Variants in NRG4 observed in about 807,000 individuals in gnomAD.
NRG4 encodes the protein neuregulin 4, also known as pro-neuregulin-4, membrane-bound isoform.
Under a neutral mutation model 15.0 loss-of-function variants are expected in NRG4, and 10 were observed. The observed-to-expected ratio is 0.67, with a 90% CI of 0.41 to 1.13. The LOEUF is 1.13. NRG4 is among the 50% of genes most tolerant of loss of function. The pLI is 0.00. For missense variants in NRG4, 139 were observed against 140.2 expected (o/e 0.99, Z 0.04); for synonymous variants, 41 against 50.1 (o/e 0.82, Z 0.77).
chr15:75,993,575 C>A (rs1363641025), intron 3 of NRG4, among the ~76,000 whole-genome samples: 1 of 151,710 alleles, frequency 6.6e-6, no homozygotes, highest in Non-Finnish European at 1.5e-5. Flanking sequence ...TGCCTATAGT[C>A]CCAGCTACAG....
intron 3 of NRG4, among the ~76,000 whole-genome samples, chr15:75,978,997 A>G (rs957743591): frequency 6.6e-6 from 1 of 151,866 alleles, no homozygotes; most frequent in East Asian, 1.9e-4. Context: ...GAATTGTTGG[A>G]GTTCCTTATA....
chr15:75,956,287 G>C (rs1382284607), intron 4 of NRG4, among the ~76,000 whole-genome samples: 1 of 152,038 alleles, frequency 6.6e-6, no homozygotes, highest in African/African-American at 2.4e-5. Context: ...ATGCCACCTG[G>C]TCTTTTTCCT....
At chr15:75,949,392 C>CAAAAAAA (rs59154521) in intron 5 of NRG4, among the ~76,000 whole-genome samples, 1 of 144,346 alleles carries the variant, frequency 6.9e-6, no homozygotes, top group African/African-American at 2.6e-5. Context: ...GCCTGGGTGA[C>CAAAAAAA]AAAAAAAAAA....
chr15:76,024,971 A>C (rs1286885972), intron 5 of NRG4, among the ~76,000 whole-genome samples: 1 of 152,188 alleles, frequency 6.6e-6, no homozygotes, highest in Non-Finnish European at 1.5e-5. Context: ...AAACAAACAA[A>C]AAACAACAAA....
chr15:75,985,059 G>A (rs1057373740), intron 3 of NRG4, among the ~76,000 whole-genome samples: 6 of 152,064 alleles, frequency 3.9e-5, no homozygotes, highest in African/African-American at 1.4e-4. Flanking sequence ...TAGCCAGGCT[G>A]GTCTCGAACT....
At chr15:75,956,914 C>A (rs964663209) in intron 4 of NRG4, among the ~76,000 whole-genome samples, 1 of 152,082 alleles carries the variant, frequency 6.6e-6, no homozygotes, top group African/African-American at 2.4e-5. Flanking sequence ...TGTTTTTTAG[C>A]TTTCTTTTTT....
At chr15:75,939,410 A>T (rs2030708971), downstream of NRG4, 1 of 152,194 alleles carries the variant, frequency 6.6e-6, no homozygotes, top group Non-Finnish European at 1.5e-5. Flanking sequence ...CCAGTAAGGT[A>T]ATTGAATTAG....
chr15:76,052,595 A>G (rs183852755), intron 3 of NRG4, among the ~76,000 whole-genome samples: 91 of 151,316 alleles, frequency 6.0e-4, no homozygotes, highest in Non-Finnish European at 3.4e-4. Flanking sequence ...GTATTATCAC[A>G]GACAGAAGCC....
intron 5 of NRG4, among the ~76,000 whole-genome samples, chr15:75,954,146 T>TA (rs915470195): frequency 6.6e-6 from 1 of 152,120 alleles, no homozygotes. Flanking sequence ...CTCTTTTCAT[T>TA]AAAAAAATTT....
chr15:75,970,102 A>G (rs2033021690), intron 3 of NRG4, among the ~76,000 whole-genome samples: 2 of 152,238 alleles, frequency 1.3e-5, no homozygotes, highest in Admixed American at 1.3e-4. Flanking sequence ...GCCACGAGCC[A>G]GTCTATCTTA....
intron 3 of NRG4, among the ~76,000 whole-genome samples, chr15:75,968,340 C>A (rs1438477211): frequency 6.6e-6 from 1 of 152,050 alleles, no homozygotes; most frequent in South Asian, 2.1e-4. Flanking sequence ...GTAATCCCAG[C>A]ACTTTGGGAG....
intron 2 of NRG4, among the ~76,000 whole-genome samples, chr15:76,009,980 T>C (rs2034749474): frequency 6.6e-6 from 1 of 152,130 alleles, no homozygotes; most frequent in Non-Finnish European, 1.5e-5. Flanking sequence ...TCTGACTTCT[T>C]TTCTCTCTTT....
downstream of NRG4, chr15:75,937,221 A>G (rs977336824): frequency 6.6e-6 from 1 of 151,720 alleles, no homozygotes; most frequent in African/African-American, 2.4e-5. Flanking sequence ...ATTAAAAAAA[A>G]AAAAGAGGCC....
At chr15:76,017,752 C>T (rs770771416) in intron 5 of NRG4, among the ~76,000 whole-genome samples, 1 of 152,044 alleles carries the variant, frequency 6.6e-6, no homozygotes, top group Admixed American at 6.6e-5. Flanking sequence ...TCTGGCTGCT[C>T]TTAACATTTT....
chr15:75,970,212 A>T (rs1415090276), intron 3 of NRG4, among the ~76,000 whole-genome samples: 2 of 152,262 alleles, frequency 1.3e-5, no homozygotes, highest in Admixed American at 6.5e-5. Context: ...AGTGAAACAC[A>T]TAGCAAGGTC....
intron 3 of NRG4, chr15:76,005,618 G>A: frequency 3.8e-6 from 1 of 261,004 alleles, no homozygotes; most frequent in South Asian, 4.3e-5. Context: ...AACCTGGGGG[G>A]TGGAGGTTAC....
intron 5 of NRG4, among the ~76,000 whole-genome samples, chr15:75,945,464 T>C (rs2031444247): frequency 6.6e-6 from 1 of 152,158 alleles, no homozygotes; most frequent in African/African-American, 2.4e-5. Context: ...TTGGCCAGGC[T>C]GGTCTCGAAC....
intron 3 of NRG4, among the ~76,000 whole-genome samples, chr15:76,004,398 C>T (rs1415331915): frequency 1.3e-5 from 2 of 151,832 alleles, no homozygotes; most frequent in African/African-American, 2.4e-5. Context: ...GTCAGGAGTT[C>T]GAGACCAGCC....
At chr15:76,045,498 G>A (rs747886682) in intron 4 of NRG4, among the ~76,000 whole-genome samples, 2 of 150,952 alleles carry the variant, frequency 1.3e-5, no homozygotes, top group Non-Finnish European at 2.9e-5. Flanking sequence ...AGCACTATTC[G>A]CAAGAGCTAA....
Sources: gnomAD v4.1 joint callset for allele counts (sites outside exome capture counted in the v4.1 genomes callset) on GRCh38, gnomAD v4.1.1 for gene constraint, MANE v1.5 for transcripts, NCBI Gene and HGNC (gene_info 2026-07-23, HGNC 2026-07-21) for gene names.